The following AQP9 variants were observed in gnomAD, a reference collection of about 807,000 sequenced individuals.
AQP9 encodes aquaporin-9.
A neutral mutation model predicts 23.8 loss-of-function variants in AQP9; 19 were observed. The ratio of observed to expected loss-of-function variants is 0.80; its 90% CI spans 0.56 to 1.17. The LOEUF (loss-of-function observed/expected upper bound fraction) is 1.17, where lower values mean the gene tolerates loss of function less well. AQP9 is among the 50% of genes most tolerant of loss of function. The pLI is 0.00. For missense variants in AQP9, 413 were observed against 362.0 expected (o/e 1.14, Z -1.14); for synonymous variants, 153 against 131.5 (o/e 1.16, Z -1.12).
At chr15:58,176,631 TTTA>T (rs1898761413) in intron 4 of AQP9, among the ~76,000 whole-genome samples, 1 of 151,074 alleles carries the variant, frequency 6.6e-6, no homozygotes, top group African/African-American at 2.4e-5. Flanking sequence ...TTTTTTTTTT[TTTA>T]AGACTGAGCC....
intron 1 of AQP9, chr15:58,138,947 T>C (rs936039686): frequency 6.0e-6 from 2 of 331,126 alleles, no homozygotes; most frequent in Non-Finnish European, 5.7e-6. Context: ...GGTATTTACT[T>C]ATACTCTAAA....
chr15:58,170,092 A>G (rs1898588216), intron 2 of AQP9, among the ~76,000 whole-genome samples: 1 of 152,110 alleles, frequency 6.6e-6, no homozygotes. Context: ...CCAAGAGTTG[A>G]GTGCAGGACT....
At chr15:58,142,638 C>T (rs922027251) in intron 1 of AQP9, among the ~76,000 whole-genome samples, 1 of 152,176 alleles carries the variant, frequency 6.6e-6, no homozygotes, top group East Asian at 1.9e-4. Context: ...TCTAGTATTT[C>T]TGTTTTCTAG....
intron 5 of AQP9, among the ~76,000 whole-genome samples, chr15:58,179,605 CATA>C (rs1346933529): frequency 2.0e-5 from 3 of 151,988 alleles, no homozygotes; most frequent in African/African-American, 7.3e-5. Flanking sequence ...AACTGTCCCA[CATA>C]ATAATAATCC....
chr15:58,169,724 G>T (rs1898580093), intron 2 of AQP9, among the ~76,000 whole-genome samples: 1 of 152,128 alleles, frequency 6.6e-6, no homozygotes, highest in African/African-American at 2.4e-5. Flanking sequence ...ACAGCATCCT[G>T]CTCCCCTGGG....
intron 4 of AQP9, among the ~76,000 whole-genome samples, chr15:58,176,223 A>G (rs1379198346): frequency 6.6e-6 from 1 of 152,158 alleles, no homozygotes; most frequent in Non-Finnish European, 1.5e-5. Flanking sequence ...GCAAAATAAG[A>G]TATAATTAGA....
intron 1 of AQP9, among the ~76,000 whole-genome samples, chr15:58,145,614 ATTG>A (rs1458150814): frequency 6.6e-6 from 1 of 152,068 alleles, no homozygotes; most frequent in African/African-American, 2.4e-5. Context: ...CTTACATGTC[ATTG>A]TTGTCTAATA....
At chr15:58,150,329 A>C (rs1898125401) in intron 1 of AQP9, 1 of 152,634 alleles carries the variant, frequency 6.6e-6, no homozygotes, top group Non-Finnish European at 1.5e-5. Context: ...AGAATATTCC[A>C]AGGCCCCTTT....
chr15:58,159,830 C>T (rs1406996105), intron 1 of AQP9, among the ~76,000 whole-genome samples: 2 of 152,122 alleles, frequency 1.3e-5, no homozygotes, highest in African/African-American at 4.8e-5. Flanking sequence ...CTACAAATGA[C>T]AGGATTTCAT....
intron 4 of AQP9, among the ~76,000 whole-genome samples, chr15:58,176,671 C>T (rs771490329): frequency 2.0e-5 from 3 of 147,736 alleles, no homozygotes; most frequent in Admixed American, 6.8e-5. Flanking sequence ...AGTGCAGTGG[C>T]GTGATCTCAG....
intron 5 of AQP9, among the ~76,000 whole-genome samples, chr15:58,181,628 C>G (rs1484145843): frequency 6.6e-6 from 1 of 152,138 alleles, no homozygotes; most frequent in Non-Finnish European, 1.5e-5. Context: ...GGGCCGTTGT[C>G]AGATCATAGA....
At chr15:58,147,368 A>T (rs1334186991) in intron 1 of AQP9, among the ~76,000 whole-genome samples, 1 of 152,152 alleles carries the variant, frequency 6.6e-6, no homozygotes, top group Non-Finnish European at 1.5e-5. Context: ...GTGACCTAAC[A>T]ACCCACAGAT....
In AQP9 at chr15:58,169,587, A is replaced by C. The variant is rs532982849; in HGVS notation, c.238+2788A>C. Among the ~76,000 whole-genome samples the C allele has an allele frequency of 2.6e-4, 40 of 152,314 alleles. No individual in the cohort carries two copies. In the East Asian group the frequency reaches 7.7e-3, roughly 29 times the overall value. Reference sequence around the variant, plus strand: ...ACTGGCTTGTAAGGTCTGCTTGAAGATTCCAAAAGTAACCAATTTATACTG... The same window carrying C: ...ACTGGCTTGTAAGGTCTGCTTGAAGCTTCCAAAAGTAACCAATTTATACTG... On this transcript the variant is annotated intron_variant, in intron 2 of 5. Coordinates refer to ENST00000219919, the MANE Select transcript of AQP9 (RefSeq NM_020980.5).
chr15:58,164,578 T>C (rs531093390), intron 1 of AQP9, among the ~76,000 whole-genome samples: 1 of 152,308 alleles, frequency 6.6e-6, no homozygotes, highest in African/African-American at 2.4e-5. Context: ...TGTTAGGCTA[T>C]AAAATGGACT....
At chr15:58,162,082 A>C (rs1898396079) in intron 1 of AQP9, among the ~76,000 whole-genome samples, 1 of 152,250 alleles carries the variant, frequency 6.6e-6, no homozygotes, top group Non-Finnish European at 1.5e-5. Context: ...TAAGTGTCCC[A>C]CCAGATGGCA....
intron 5 of AQP9, among the ~76,000 whole-genome samples, chr15:58,180,567 G>T (rs997471863): frequency 1.3e-5 from 2 of 152,150 alleles, no homozygotes; most frequent in Non-Finnish European, 2.9e-5. Context: ...CTATGTGACG[G>T]ACACTTCCTA....
intron 4 of AQP9, among the ~76,000 whole-genome samples, chr15:58,178,652 C>A (rs182571676): frequency 9.4e-4 from 143 of 152,296 alleles, no homozygotes; most frequent in African/African-American, 3.3e-3. Flanking sequence ...TTTACCACTG[C>A]TTTCCTAATT....
intron 1 of AQP9, chr15:58,153,533 A>T (rs1467281748): frequency 6.6e-6 from 1 of 152,228 alleles, no homozygotes; most frequent in Non-Finnish European, 1.5e-5. Flanking sequence ...ACTAGGCCTT[A>T]TAATAGTCAC....
At position 58,165,258 on chromosome 15, in the gene AQP9, A is replaced by G. The variant is rs117041479; in HGVS notation, c.112-1415A>G. On this transcript the variant is annotated intron_variant, in intron 1 of 5. Transcript: ENST00000219919. Reference sequence around the variant, plus strand: ...TGTCTCATTTTCCTACCAAACTTGTATGAAATTGTTCTGTCTTTCCCAAGA... The same window carrying G: ...TGTCTCATTTTCCTACCAAACTTGTGTGAAATTGTTCTGTCTTTCCCAAGA... 3.3e-5 allele frequency among the ~76,000 whole-genome samples: 5 copies of G among 152,326 alleles called. No homozygotes were observed. The East Asian group carries it at 7.7e-4, about 23-fold the overall frequency.
Sources: allele counts gnomAD v4.1 joint callset (sites outside exome capture counted in the v4.1 genomes callset), GRCh38; gene constraint gnomAD v4.1.1; transcripts MANE v1.5; gene names NCBI Gene and HGNC (gene_info 2026-07-23, HGNC 2026-07-21).